Variants in HMGA2 observed in about 807,000 individuals in gnomAD.
HMGA2 encodes high mobility group protein HMGI-C.
In HMGA2, 8 loss-of-function variants were observed where a neutral mutation model predicts 19.1. The ratio of observed to expected loss-of-function variants is 0.42; its 90% confidence interval spans 0.25 to 0.76. The LOEUF (loss-of-function observed/expected upper bound fraction) is 0.76, where lower values mean the gene tolerates loss of function less well. Ranked by LOEUF, HMGA2 falls within the 30% of genes least tolerant of loss-of-function variation. The probability of loss-of-function intolerance (pLI) is 0.28; values close to 1 mark genes in which losing one functional copy is unlikely to be tolerated. For missense variants in HMGA2, 109 were observed against 136.3 expected (o/e 0.80, Z 1.00); for synonymous variants, 60 against 48.8 (o/e 1.23, Z -0.96).
intron 3 of HMGA2, among the ~76,000 whole-genome samples, chr12:65,926,850 A>T (rs946137035): frequency 6.6e-6 from 1 of 152,166 alleles, no homozygotes; most frequent in East Asian, 1.9e-4. Context: ...TGGGTGACAG[A>T]AATGCAGCCT....
intron 2 of HMGA2, among the ~76,000 whole-genome samples, chr12:65,836,613 T>A (rs997374453): frequency 1.3e-5 from 2 of 152,190 alleles, no homozygotes; most frequent in African/African-American, 4.8e-5. Flanking sequence ...GTCTGTGATC[T>A]TCTCAGGGCA....
At chr12:65,890,975 C>A (rs531522237) in intron 3 of HMGA2, among the ~76,000 whole-genome samples, 17 of 152,176 alleles carry the variant, frequency 1.1e-4, no homozygotes, top group Non-Finnish European at 2.5e-4. Context: ...AAGTGATCTG[C>A]CTGCCTCGGC....
chr12:65,845,678 C>G (rs1401146581), intron 3 of HMGA2, among the ~76,000 whole-genome samples: 1 of 152,144 alleles, frequency 6.6e-6, no homozygotes, highest in Non-Finnish European at 1.5e-5. Context: ...AAGCCTACTC[C>G]TTGTATTCCA....
intron 2 of HMGA2, among the ~76,000 whole-genome samples, chr12:65,834,588 C>T (rs1870629336): frequency 6.8e-6 from 1 of 146,560 alleles, no homozygotes; most frequent in Admixed American, 6.8e-5. Context: ...CCCTCCCTTC[C>T]TCCCTTCCTC....
At chr12:65,908,211 G>A (rs1483496313) in intron 3 of HMGA2, among the ~76,000 whole-genome samples, 5 of 152,150 alleles carry the variant, frequency 3.3e-5, no homozygotes, top group Admixed American at 3.3e-4. Context: ...GTACCTGACT[G>A]TCAAACAGCC....
At chr12:65,943,737 T>C (rs955920340) in intron 3 of HMGA2, among the ~76,000 whole-genome samples, 2 of 152,218 alleles carry the variant, frequency 1.3e-5, no homozygotes, top group Admixed American at 6.5e-5. Context: ...AAATCTCCTT[T>C]GCACCATAAG....
At chr12:65,907,945 C>G (rs1257489420) in intron 3 of HMGA2, among the ~76,000 whole-genome samples, 1 of 152,088 alleles carries the variant, frequency 6.6e-6, no homozygotes, top group African/African-American at 2.4e-5. Context: ...GCTTTTCAAC[C>G]ATTACAAAGG....
chr12:65,851,542 T>C, intron 3 of HMGA2: 1 of 307,674 alleles, frequency 3.3e-6, no homozygotes, highest in Non-Finnish European at 6.5e-6. Context: ...ACCAAGAAAT[T>C]AGACAGCTGT....
At chr12:65,899,442 A>T (rs1342786722) in intron 3 of HMGA2, among the ~76,000 whole-genome samples, 1 of 152,202 alleles carries the variant, frequency 6.6e-6, no homozygotes, top group Non-Finnish European at 1.5e-5. Flanking sequence ...CTGTCACAGG[A>T]CACACGCACT....
At chr12:65,937,194 G>A (rs1286396477) in intron 3 of HMGA2, among the ~76,000 whole-genome samples, 2 of 152,066 alleles carry the variant, frequency 1.3e-5, no homozygotes, top group African/African-American at 4.8e-5. Context: ...CTGCACATCT[G>A]GCAATAAGCC....
intron 3 of HMGA2, among the ~76,000 whole-genome samples, chr12:65,862,601 A>G (rs954827964): frequency 3.3e-5 from 5 of 152,262 alleles, no homozygotes; most frequent in African/African-American, 1.2e-4. Context: ...AAAAGTGTTA[A>G]GCATCAAGGA....
In HMGA2 at chr12:65,919,894, C is replaced by T. The variant is rs191452742; in HGVS notation, c.250-31489C>T. On this transcript the variant is annotated intron_variant, in intron 3 of 4. Coordinates refer to ENST00000403681, the MANE Select transcript of HMGA2 (RefSeq NM_003483.6). ...GCTTCTTACAAAGAACACCTTGGGC[C>T]TCAGGCAACCAGTTTTTAATGACGA... 5.4e-4 allele frequency among the ~76,000 whole-genome samples: 82 copies of T among 152,294 alleles called. 2 individuals carry two copies. Among genetic ancestry groups the T allele is most frequent in the African/African-American group, 1.9e-3 (78 of 41,546 alleles).
At chr12:65,877,045 T>C (rs1873077478) in intron 3 of HMGA2, 1 of 152,270 alleles carries the variant, frequency 6.6e-6, no homozygotes, top group African/African-American at 2.4e-5. Flanking sequence ...AAGTGATTTA[T>C]GGGCCATACA....
chr12:65,878,332 T>C (rs755417049), intron 3 of HMGA2, among the ~76,000 whole-genome samples: 8 of 152,304 alleles, frequency 5.3e-5, no homozygotes, highest in Non-Finnish European at 7.4e-5. Flanking sequence ...AGATTGGGAT[T>C]GAAGAGCTGA....
At chr12:65,915,663 C>A in intron 3 of HMGA2, 3 of 509,702 alleles carry the variant, frequency 5.9e-6, no homozygotes, top group Non-Finnish European at 7.8e-6. Context: ...GATGGGCTGC[C>A]ATGACTTCTG....
chr12:65,846,276 G>A (rs1157924112), intron 3 of HMGA2, among the ~76,000 whole-genome samples: 1 of 152,152 alleles, frequency 6.6e-6, no homozygotes. Context: ...CTTAGTAAAC[G>A]ATGAATGGCT....
chr12:65,852,705 A>G (rs771958287), intron 3 of HMGA2, among the ~76,000 whole-genome samples: 4 of 152,120 alleles, frequency 2.6e-5, no homozygotes, highest in Non-Finnish European at 5.9e-5. Context: ...CAACTTTCAG[A>G]TGTATCACAG....
chr12:65,965,733 A>G lies in HMGA2; in HGVS notation c.*2441A>G, dbSNP rs982249013. On this transcript the variant is annotated 3_prime_UTR_variant, in exon 5 of 5. Transcript: ENST00000403681. ...TGGAAGCAATTGCTCATGTTGGCCA[A>G]ACATGGTGCACCGAGTGATTTCCAT... The G allele has an allele frequency of 4.5e-6, 1 of 223,230 alleles. No individual in the cohort carries two copies. Among genetic ancestry groups the G allele is most frequent in the Non-Finnish European group, 9.0e-6 (1 of 111,600 alleles). 13.8% of individuals were successfully genotyped at this position (223,230 alleles called of 1,614,324 possible).
At chr12:65,897,238 A>G (rs767519494) in intron 3 of HMGA2, among the ~76,000 whole-genome samples, 9 of 152,198 alleles carry the variant, frequency 5.9e-5, no homozygotes, top group Non-Finnish European at 1.3e-4. Flanking sequence ...CAAACAATTC[A>G]GTTACACTCT....
Sources: gnomAD v4.1 joint callset for allele counts (sites outside exome capture counted in the v4.1 genomes callset) on GRCh38, gnomAD v4.1.1 for gene constraint, MANE v1.5 for transcripts, NCBI Gene and HGNC (gene_info 2026-07-23, HGNC 2026-07-21) for gene names.